Variants in MYO1H observed in about 807,000 individuals in gnomAD.
MYO1H encodes myosin IH, also known as unconventional myosin-Ih.
MYO1H carries 118 observed loss-of-function variants against 149.3 expected under a neutral mutation model. The ratio of observed to expected loss-of-function variants is 0.79; its 90% CI spans 0.68 to 0.92. MYO1H has a LOEUF of 0.92. MYO1H is among the 40% of genes least tolerant of loss of function. The pLI is 0.00. For synonymous variants in MYO1H, 447 were observed against 465.2 expected (o/e 0.96, Z 0.50); for missense variants, 1,212 against 1,280.7 (o/e 0.95, Z 0.82).
chr12:109,408,760 G>A (rs112215359), intron 10 of MYO1H, among the ~76,000 whole-genome samples: 3,171 of 152,156 alleles, frequency 0.021, 52 homozygotes, highest in Middle Eastern at 0.095. Context: ...ATTTAATTGT[G>A]TCCCTTTAAA....
chr12:109,320,748 A>C, the MYO1H span, among the ~76,000 whole-genome samples: 1 of 152,176 alleles, frequency 6.6e-6, no homozygotes, highest in African/African-American at 2.4e-5. Flanking sequence ...AAAAGGATTA[A>C]TATCAATCTG....
intron 5 of MYO1H, 78 bp from the exon 6 acceptor site, chr12:109,401,015 A>C: frequency 7.8e-7 from 1 of 1,277,052 alleles, no homozygotes; most frequent in Non-Finnish European, 1.1e-6. Context: ...CAAACTTAGA[A>C]CTTCGGGCCA....
At chr12:109,431,636 G>A (rs1194090589) in intron 19 of MYO1H, among the ~76,000 whole-genome samples, 1 of 152,210 alleles carries the variant, frequency 6.6e-6, no homozygotes, top group African/African-American at 2.4e-5. Flanking sequence ...CGGTTGTGCT[G>A]CTTCCAGCCT....
chr12:109,389,252 G>A (rs77366254), intron 2 of MYO1H, among the ~76,000 whole-genome samples: 8,896 of 152,196 alleles, frequency 0.058, 846 homozygotes, highest in African/African-American at 0.2. Flanking sequence ...AGAGAAGCGA[G>A]CCAATACTCT....
intron 1 of MYO1H, among the ~76,000 whole-genome samples, chr12:109,370,159 A>G (rs1407799984): frequency 1.3e-5 from 2 of 152,184 alleles, no homozygotes; most frequent in African/African-American, 4.8e-5. Context: ...GCCAAACCAT[A>G]TCACTCCCTA....
the MYO1H span, among the ~76,000 whole-genome samples, chr12:109,326,236 G>GC: frequency 6.6e-6 from 1 of 152,052 alleles, no homozygotes; most frequent in Non-Finnish European, 1.5e-5. Context: ...GTTGCCCAGG[G>GC]CCCCAGAAGT....
chr12:109,324,205 C>T, the MYO1H span, among the ~76,000 whole-genome samples: 6 of 152,150 alleles, frequency 3.9e-5, no homozygotes, highest in Non-Finnish European at 8.8e-5. Flanking sequence ...ACCAGAATGC[C>T]TACAGGTGGC....
chr12:109,389,656 T>C (rs16940177), intron 2 of MYO1H, among the ~76,000 whole-genome samples: 38,064 of 152,102 alleles, frequency 0.25, 6,989 homozygotes, highest in African/African-American at 0.52. Flanking sequence ...TTTATCACCA[T>C]ACTCTGATTT....
chr12:109,334,157 C>T, the MYO1H span, among the ~76,000 whole-genome samples: 2 of 152,074 alleles, frequency 1.3e-5, no homozygotes, highest in Non-Finnish European at 2.9e-5. Context: ...GCTGGGATTA[C>T]AGGCATACAC....
chr12:109,442,350 G>A, intron 27 of MYO1H, 78 bp downstream of exon 27: 1 of 1,290,096 alleles, frequency 7.8e-7, no homozygotes, highest in Non-Finnish European at 1.1e-6. Context: ...TCTCCATAAA[G>A]GGCGCACTAT....
At chr12:109,439,598 T>C in intron 23 of MYO1H, 33 bp from the exon 24 acceptor site, 1 of 1,583,452 alleles carries the variant, frequency 6.3e-7, no homozygotes, top group Non-Finnish European at 8.6e-7. Flanking sequence ...GAAGAAATGG[T>C]CCAGAAAAGT....
chr12:109,427,899 A>ATATATATATATATATAT (rs1566038875), intron 19 of MYO1H, among the ~76,000 whole-genome samples: 8 of 51,418 alleles, frequency 1.6e-4, no homozygotes, highest in African/African-American at 6.1e-4. Flanking sequence ...AAAAAAAAAA[A>ATATATATATATATATAT]AAAAAAAAAA....
chr12:109,405,955 C>T (rs1414521422), exon 8 of MYO1H: 1 of 1,613,642 alleles, frequency 6.2e-7, no homozygotes, highest in Non-Finnish European at 8.5e-7. Context: ...TGTCTTACAC[C>T]TGGGGAACAT....
At chr12:109,444,480 C>T in exon 30 of MYO1H, 1 of 1,613,966 alleles carries the variant, frequency 6.2e-7, no homozygotes, top group Non-Finnish European at 8.5e-7. Flanking sequence ...AGTTACTAAA[C>T]TCGTCATGCT....
intron 28 of MYO1H, 77 bp downstream of exon 28, chr12:109,443,726 A>T (rs951671260): frequency 5.2e-6 from 8 of 1,544,636 alleles, no homozygotes; most frequent in Non-Finnish European, 6.2e-6. Context: ...AAGCTCCCAA[A>T]TGGGAAACAC....
intron 1 of MYO1H, among the ~76,000 whole-genome samples, chr12:109,363,700 G>A (rs1170399294): frequency 1.3e-5 from 2 of 151,642 alleles, no homozygotes; most frequent in South Asian, 2.1e-4. Flanking sequence ...CAACAAGAGA[G>A]AAACTCCGTC....
the MYO1H span, among the ~76,000 whole-genome samples, chr12:109,320,918 T>C: frequency 1.3e-5 from 2 of 151,924 alleles, no homozygotes; most frequent in East Asian, 3.9e-4. Flanking sequence ...TGAAACCCCA[T>C]CTCTACCAAA....
chr12:109,386,685 G>A (rs1367765259), intron 1 of MYO1H, among the ~76,000 whole-genome samples: 1 of 152,022 alleles, frequency 6.6e-6, no homozygotes. Context: ...ATTTTCATTG[G>A]GTTTGTCTTT....
chr12:109,340,330 G>T, the MYO1H span, among the ~76,000 whole-genome samples: 10 of 152,148 alleles, frequency 6.6e-5, no homozygotes, highest in African/African-American at 2.4e-4. Context: ...ACAGGCGCCC[G>T]GCTAATTTTT....
Sources: gnomAD v4.1 joint callset for allele counts (sites outside exome capture counted in the v4.1 genomes callset) on GRCh38, gnomAD v4.1.1 for gene constraint, MANE v1.5 for transcripts, NCBI Gene and HGNC (gene_info 2026-07-23, HGNC 2026-07-21) for gene names.